Variants in OSBPL10 observed in about 807,000 individuals in gnomAD.
OSBPL10 encodes the protein oxysterol binding protein like 10.
OSBPL10 carries 49 observed loss-of-function variants against 81.7 expected under a neutral mutation model. That is an observed-to-expected ratio of 0.60 (90% confidence interval 0.48 to 0.76). The LOEUF is 0.76. Ranked by LOEUF, OSBPL10 falls within the 30% of genes least tolerant of loss-of-function variation. The pLI, the probability that OSBPL10 is intolerant of heterozygous loss-of-function variation, is 0.00. For missense variants in OSBPL10, 923 were observed against 987.8 expected, an observed-to-expected ratio of 0.93 and a Z score of 0.88; for synonymous variants, 419 against 383.6, an observed-to-expected ratio of 1.09 and a Z score of -1.08.
chr3:31,741,444 T>C (rs1697348304), intron 5 of OSBPL10, among the ~76,000 whole-genome samples: 1 of 152,178 alleles, frequency 6.6e-6, no homozygotes. Flanking sequence ...TTTGTATTTT[T>C]AGTAGAGACA....
intron 1 of OSBPL10, among the ~76,000 whole-genome samples, chr3:31,976,745 A>G (rs918630100): frequency 2.6e-5 from 4 of 152,112 alleles, no homozygotes; most frequent in Non-Finnish European, 4.4e-5. Flanking sequence ...ATGTGAGCCA[A>G]TGCACCCAGC....
intron 1 of OSBPL10, among the ~76,000 whole-genome samples, chr3:31,939,700 C>G (rs1697482856): frequency 6.6e-6 from 1 of 152,140 alleles, no homozygotes; most frequent in South Asian, 2.1e-4. Flanking sequence ...GAACATCTTC[C>G]CTGAGCCCTC....
chr3:31,967,860 A>C (rs1357947482), intron 1 of OSBPL10, among the ~76,000 whole-genome samples: 2 of 152,196 alleles, frequency 1.3e-5, no homozygotes, highest in African/African-American at 4.8e-5. Flanking sequence ...TGGATGCTTC[A>C]GTGGCCACAT....
intron 2 of OSBPL10, among the ~76,000 whole-genome samples, chr3:32,019,521 A>G (rs1327210334): frequency 2.0e-5 from 3 of 152,224 alleles, no homozygotes; most frequent in Non-Finnish European, 4.4e-5. Flanking sequence ...AGAGAGGAGT[A>G]TAATGGGAAG....
At chr3:31,678,275 G>A (rs1418332030) in intron 8 of OSBPL10, among the ~76,000 whole-genome samples, 4 of 152,130 alleles carry the variant, frequency 2.6e-5, no homozygotes, top group Admixed American at 2.6e-4. Context: ...GACACCAGAG[G>A]GAGACAGGAA....
chr3:32,005,823 T>C (rs1699200794), intron 2 of OSBPL10, among the ~76,000 whole-genome samples: 2 of 152,124 alleles, frequency 1.3e-5, no homozygotes, highest in African/African-American at 4.8e-5. Context: ...CCTGACCTCG[T>C]GATCCGCCCA....
At chr3:31,979,264 G>A (rs990127836) in intron 1 of OSBPL10, among the ~76,000 whole-genome samples, 1 of 152,140 alleles carries the variant, frequency 6.6e-6, no homozygotes, top group Non-Finnish European at 1.5e-5. Context: ...GGACTATTTT[G>A]AGAAATAAAA....
In OSBPL10 at chr3:31,801,828, G is replaced by T. The variant is rs948152118; in HGVS notation, c.729+28212C>A. 5.5e-5 allele frequency among the ~76,000 whole-genome samples: 8 copies of T among 146,322 alleles called. No homozygotes were observed. In the East Asian group the frequency reaches 1.0e-3, roughly 18 times the overall value. ...GACCTGATTTCTTTCTTTTTTTGTT[G>T]TTTTTTTTTTTAAGATGGAGTTTTG... On this transcript the variant is annotated intron_variant, in intron 4 of 11. Coordinates refer to ENST00000396556, the MANE Select transcript of OSBPL10 (RefSeq NM_017784.5).
chr3:31,708,817 G>C (rs1290570503), intron 6 of OSBPL10: 1 of 985,262 alleles, frequency 1.0e-6, no homozygotes, highest in Non-Finnish European at 1.2e-6. Flanking sequence ...TTGGGTAGAG[G>C]GTATCTCAGC....
intron 10 of OSBPL10, 26 bp from the exon 11 acceptor site, chr3:31,664,258 C>T (rs1700137811): frequency 1.2e-6 from 2 of 1,609,428 alleles, no homozygotes; most frequent in East Asian, 4.5e-5. Context: ...GGAGAGGAAA[C>T]AATCAGCCAG....
chr3:32,024,388 T>C (rs1157909244), intron 2 of OSBPL10, among the ~76,000 whole-genome samples: 1 of 152,152 alleles, frequency 6.6e-6, no homozygotes, highest in Non-Finnish European at 1.5e-5. Context: ...ATATTTTCAA[T>C]ATTTTGTTGT....
intron 5 of OSBPL10, among the ~76,000 whole-genome samples, chr3:31,734,222 C>CA (rs1697077816): frequency 6.6e-6 from 1 of 152,138 alleles, no homozygotes; most frequent in Non-Finnish European, 1.5e-5. Flanking sequence ...CACAGGTACT[C>CA]ATTCCATTCT....
At chr3:31,712,735 A>G (rs945021100) in intron 6 of OSBPL10, among the ~76,000 whole-genome samples, 5 of 152,270 alleles carry the variant, frequency 3.3e-5, no homozygotes, top group African/African-American at 9.6e-5. Context: ...TTTTAAATCA[A>G]TAAGTCGATG....
At chr3:31,705,891 C>T (rs1696049214) in intron 6 of OSBPL10, among the ~76,000 whole-genome samples, 1 of 152,132 alleles carries the variant, frequency 6.6e-6, no homozygotes, top group Non-Finnish European at 1.5e-5. Flanking sequence ...TTTCATACTG[C>T]TGAGAGAATT....
At chr3:31,951,958 C>T (rs552030069) in intron 1 of OSBPL10, among the ~76,000 whole-genome samples, 14 of 152,156 alleles carry the variant, frequency 9.2e-5, no homozygotes, top group Non-Finnish European at 1.2e-4. Flanking sequence ...CTGCCTAAAA[C>T]TCCATTAGTG....
chr3:31,783,163 A>C (rs1435882745), intron 4 of OSBPL10, among the ~76,000 whole-genome samples: 1 of 146,468 alleles, frequency 6.8e-6, no homozygotes, highest in African/African-American at 2.5e-5. Flanking sequence ...ACACCATAGA[A>C]TACTACTCAG....
intron 2 of OSBPL10, among the ~76,000 whole-genome samples, chr3:32,037,364 T>A (rs1200554767): frequency 6.6e-6 from 1 of 152,046 alleles, no homozygotes; most frequent in Non-Finnish European, 1.5e-5. Flanking sequence ...GAAAGCCCAC[T>A]AAGGGCCAGG....
At chr3:31,840,548 T>A (rs1284737914) in intron 3 of OSBPL10, among the ~76,000 whole-genome samples, 1 of 152,220 alleles carries the variant, frequency 6.6e-6, no homozygotes, top group Non-Finnish European at 1.5e-5. Context: ...GTATTGCTGA[T>A]GAAGTTAAGA....
At chr3:31,864,396 C>CACA (rs1327637624) in intron 3 of OSBPL10, among the ~76,000 whole-genome samples, 1 of 152,040 alleles carries the variant, frequency 6.6e-6, no homozygotes, top group East Asian at 1.9e-4. Context: ...CACACGCCAC[C>CACA]ACACCCAGCA....
Sources: allele counts gnomAD v4.1 joint callset (sites outside exome capture counted in the v4.1 genomes callset), GRCh38; gene constraint gnomAD v4.1.1; transcripts MANE v1.5; gene names NCBI Gene and HGNC (gene_info 2026-07-23, HGNC 2026-07-21).